The following ANKRD28 variants were observed in gnomAD, a reference collection of about 807,000 sequenced individuals.
The protein encoded by ANKRD28 is serine/threonine-protein phosphatase 6 regulatory ankyrin repeat subunit A.
In ANKRD28, 44 loss-of-function variants were observed where a neutral mutation model predicts 126.5. The observed-to-expected ratio is 0.35, with a 90% CI of 0.27 to 0.45. The LOEUF (loss-of-function observed/expected upper bound fraction) is 0.45, where lower values mean the gene tolerates loss of function less well. Among genes scored for constraint, ANKRD28 ranks in the 20% least tolerant of loss-of-function variants. ANKRD28 has a pLI of 1.00. For missense variants in ANKRD28, 1,110 were observed against 1,316.6 expected (o/e 0.84, Z 2.43); for synonymous variants, 442 against 468.5 (o/e 0.94, Z 0.73).
At chr3:15,743,590 A>ACACG (rs770524218) in intron 4 of ANKRD28, among the ~76,000 whole-genome samples, 2 of 146,200 alleles carry the variant, frequency 1.4e-5, no homozygotes, top group Admixed American at 6.8e-5. Context: ...ACACACACAC[A>ACACG]CACGCACACC....
rs34806568 is a variant in ANKRD28 at position 15,674,174 on chromosome 3, CAA to C, written c.2965+1722_2965+1723del. Among the ~76,000 whole-genome samples, 339 of 40,252 alleles carry C rather than the reference CAA, an allele frequency of 8.4e-3. 3 individuals carry two copies. The highest frequency in any genetic ancestry group is 0.049 in the East Asian group (61 of 1,236). 26.4% of individuals were successfully genotyped at this position (40,252 alleles called of 152,430 possible). A position where few individuals can be genotyped will look rare whatever the true frequency, so the allele number is the denominator to read the frequency against. On this transcript the variant is annotated intron_variant, in intron 27 of 27. Coordinates refer to ENST00000683139, the MANE Select transcript of ANKRD28 (RefSeq NM_001349278.2). Reference sequence around the variant, plus strand: ...GCAACAGAGTGAGACCCTGCCTCTTCAAAAAAAAAAAAAAAAAAAAAAAAGAA... The same window carrying C: ...GCAACAGAGTGAGACCCTGCCTCTTCAAAAAAAAAAAAAAAAAAAAAAGAA...
chr3:15,791,805 A>G (rs150645954), intron 2 of ANKRD28, among the ~76,000 whole-genome samples: 3 of 152,310 alleles, frequency 2.0e-5, no homozygotes, highest in Non-Finnish European at 4.4e-5. Flanking sequence ...CAACAAAGTG[A>G]AGAGACAACC....
chr3:15,811,655 A>G (rs2060714572), intron 1 of ANKRD28, among the ~76,000 whole-genome samples: 1 of 151,854 alleles, frequency 6.6e-6, no homozygotes, highest in South Asian at 2.1e-4. Context: ...GGGTTTCACC[A>G]TGTTGGCCAG....
At chr3:15,729,864 A>G (rs78600650) in intron 6 of ANKRD28, among the ~76,000 whole-genome samples, 3 of 152,322 alleles carry the variant, frequency 2.0e-5, no homozygotes, top group Admixed American at 2.0e-4. Context: ...AAATAATGCA[A>G]TGAGGTGTTA....
Position 15,756,471 on chromosome 3 carries a change from TTTAC to T in ANKRD28, c.281-4655_281-4652del. 1.5e-3 allele frequency: 1,520 copies of T among 984,418 alleles called. 4 individuals are homozygous for T. The highest frequency in any genetic ancestry group is 3.0e-3 in the South Asian group (63 of 21,262). The allele number at this position is 984,418 out of a possible 1,614,324, so 61.0% of individuals were successfully genotyped here. A position where few individuals can be genotyped will look rare whatever the true frequency, so the allele number is the denominator to read the frequency against. The stretch of plus-strand genomic sequence containing the variant: ...CATAAATTCAAAAACAAAAACTTGA[TTTAC>T]TTACTTACATTAGTCTAGGGCTCTA... On this transcript the variant is annotated intron_variant, in intron 3 of 27. Coordinates refer to ENST00000683139, the MANE Select transcript of ANKRD28 (RefSeq NM_001349278.2).
chr3:15,790,910 C>T (rs4685260), intron 2 of ANKRD28, among the ~76,000 whole-genome samples: 70,900 of 151,878 alleles, frequency 0.47, 19,428 homozygotes, highest in Non-Finnish European at 0.6. Context: ...CACAAGAAAA[C>T]TAGAACTGAT....
At chr3:15,752,940 G>A (rs759305355) in intron 3 of ANKRD28, among the ~76,000 whole-genome samples, 1 of 152,174 alleles carries the variant, frequency 6.6e-6, no homozygotes, top group Non-Finnish European at 1.5e-5. Flanking sequence ...TAATAAATGT[G>A]CCTAGTACAT....
In ANKRD28 at chr3:15,812,364, G is replaced by A. The variant is rs575937221; in HGVS notation, c.28-17058C>T. Among the ~76,000 whole-genome samples, 1 of 152,026 alleles carries A rather than the reference G, an allele frequency of 6.6e-6. No homozygotes were observed. Among genetic ancestry groups the A allele is most frequent in the Admixed American group, 6.6e-5 (1 of 15,252 alleles). On this transcript the variant is annotated intron_variant, in intron 1 of 27. Transcript: ENST00000399451. This position sits in a 1 kb window ranked among gnomAD's most constrained non-coding sequence, Gnocchi z 4.1. ...GGTGCCCTTAGGTAAATTTAGAAAG[G>A]GTTTGCAGTAACCAATGGAAAAGCA...
chr3:15,808,723 G>T (rs2060642066), intron 1 of ANKRD28, among the ~76,000 whole-genome samples: 1 of 152,026 alleles, frequency 6.6e-6, no homozygotes, highest in African/African-American at 2.4e-5. Context: ...CCTATAGAAA[G>T]CTTTCCTGCC....
chr3:15,814,872 C>A lies in ANKRD28; in HGVS notation c.28-19566G>T, dbSNP rs865872704. Among the ~76,000 whole-genome samples, 1 of 149,884 alleles carries A rather than the reference C, an allele frequency of 6.7e-6. No individual in the cohort carries two copies. The highest frequency in any genetic ancestry group is 1.5e-5 in the Non-Finnish European group (1 of 67,558). The stretch of plus-strand genomic sequence containing the variant: ...CAAAGAAAACTCTGGTAATTTTATA[C>A]ATATATTATATATAAAAAGTATATA... On this transcript the variant is annotated intron_variant, in intron 1 of 27. Coordinates refer to the ANKRD28 transcript ENST00000399451. The surrounding 1 kb of genome is among the most constrained non-coding windows in gnomAD (Gnocchi z 4.7).
intron 1 of ANKRD28, among the ~76,000 whole-genome samples, chr3:15,855,862 T>C (rs2061753962): frequency 6.6e-6 from 1 of 152,234 alleles, no homozygotes; most frequent in Admixed American, 6.5e-5. Context: ...GATAATGGTT[T>C]GCCCAGTTTG....
intron 2 of ANKRD28, among the ~76,000 whole-genome samples, chr3:15,794,818 T>C (rs1357290414): frequency 1.3e-5 from 2 of 152,236 alleles, no homozygotes; most frequent in African/African-American, 4.8e-5. Context: ...GAATCCTCAT[T>C]TGAAATGCAC....
chr3:15,811,038 A>G (rs2060700713), intron 1 of ANKRD28, among the ~76,000 whole-genome samples: 1 of 152,234 alleles, frequency 6.6e-6, no homozygotes, highest in Non-Finnish European at 1.5e-5. Context: ...AGAGCAGACT[A>G]CAGAACAGGG....
Position 15,696,822 on chromosome 3 carries a change from T to C in ANKRD28, c.1548-577A>G, listed in dbSNP as rs553661286. ...ATTTCATTTCTGTGATAATAAAATATGAGGAAAATAATTTTAAAAAACACT... is the reference window on the plus strand; with the variant it reads ...ATTTCATTTCTGTGATAATAAAATACGAGGAAAATAATTTTAAAAAACACT... On this transcript the variant is annotated intron_variant, in intron 14 of 27. Coordinates refer to ENST00000683139, the MANE Select transcript of ANKRD28 (RefSeq NM_001349278.2). 3.6e-4 allele frequency among the ~76,000 whole-genome samples: 55 copies of C among 152,166 alleles called. No individual in the cohort carries two copies. The South Asian group carries it at 5.8e-3, about 16-fold the overall frequency.
upstream of ANKRD28, among the ~76,000 whole-genome samples, chr3:15,799,674 T>C (rs538404920): frequency 2.6e-5 from 4 of 152,200 alleles, no homozygotes; most frequent in East Asian, 7.7e-4. Flanking sequence ...AATCTCTTTT[T>C]ATCTTAACAA....
intron 1 of ANKRD28, among the ~76,000 whole-genome samples, chr3:15,810,348 G>A (rs1447692208): frequency 6.6e-6 from 1 of 151,618 alleles, no homozygotes; most frequent in Non-Finnish European, 1.5e-5. Context: ...ATTTCTACTT[G>A]TAGGAACTGA....
At chr3:15,713,342 C>T (rs2255248) in intron 10 of ANKRD28, among the ~76,000 whole-genome samples, 185 bp downstream of exon 10, 81,070 of 152,016 alleles carry the variant, frequency 0.53, 22,480 homozygotes, top group Middle Eastern at 0.62. Flanking sequence ...AATACACTGG[C>T]TTACCAAATA....
intron 9 of ANKRD28, 148 bp from the exon 10 acceptor site, chr3:15,713,789 G>A: frequency 2.1e-6 from 1 of 469,352 alleles, no homozygotes; most frequent in South Asian, 4.7e-5. Flanking sequence ...CATTTATTGG[G>A]CCAGGCAATG....
At chr3:15,859,571 C>G (rs1397811862) in exon 1 of ANKRD28, 2 of 323,882 alleles carry the variant, frequency 6.2e-6, no homozygotes, top group Non-Finnish European at 9.1e-6. Context: ...GGCGCCGCCT[C>G]CCCGGCCGCC....
Sources: allele counts gnomAD v4.1 joint callset (sites outside exome capture counted in the v4.1 genomes callset), GRCh38; gene constraint gnomAD v4.1.1; non-coding constraint Gnocchi (gnomAD v3.1); transcripts MANE v1.5; gene names NCBI Gene and HGNC (gene_info 2026-07-23, HGNC 2026-07-21).